The following CTNNA3 variants were observed in gnomAD, a reference collection of about 807,000 sequenced individuals.
CTNNA3 encodes the protein catenin alpha 3.
A neutral mutation model predicts 95.7 loss-of-function variants in CTNNA3; 76 were observed. That is an observed-to-expected ratio of 0.79 (90% CI 0.66 to 0.96). The LOEUF is 0.96. Among genes scored for constraint, CTNNA3 ranks in the 40% least tolerant of loss-of-function variants. The pLI is 0.00. For missense variants in CTNNA3, 1,191 were observed against 1,089.8 expected (o/e 1.09, Z -1.31); for synonymous variants, 431 against 374.4 (o/e 1.15, Z -1.74).
intron 11 of CTNNA3, among the ~76,000 whole-genome samples, chr10:66,420,838 T>TAAATAAATAAATAAATAAAA (rs905152645): frequency 2.4e-5 from 2 of 82,996 alleles, no homozygotes; most frequent in African/African-American, 4.1e-5. Context: ...AATAAATAAA[T>TAAATAAATAAATAAATAAAA]AAAAAACAAT....
intron 5 of CTNNA3, among the ~76,000 whole-genome samples, chr10:67,233,979 G>A (rs866854024): frequency 6.6e-6 from 1 of 152,164 alleles, no homozygotes; most frequent in South Asian, 2.1e-4. Context: ...TTGAATCTCT[G>A]AATAGGACCA....
intron 13 of CTNNA3, among the ~76,000 whole-genome samples, chr10:66,256,728 A>C (rs1048446952): frequency 6.6e-6 from 1 of 151,982 alleles, no homozygotes; most frequent in African/African-American, 2.4e-5. Context: ...TCTCAAAAAA[A>C]AAAAGCGTAA....
At chr10:67,125,435 T>C (rs6480251) in intron 7 of CTNNA3, among the ~76,000 whole-genome samples, 33,673 of 152,116 alleles carry the variant, frequency 0.22, 4,626 homozygotes, top group African/African-American at 0.39. Flanking sequence ...TCATTAGCAA[T>C]TGATGTTCTT....
intron 5 of CTNNA3, among the ~76,000 whole-genome samples, chr10:67,489,788 T>TTA (rs372899542): frequency 0.076 from 10,857 of 142,386 alleles, 485 homozygotes; most frequent in South Asian, 0.1. Flanking sequence ...ATACATGATT[T>TTA]TATATATATA....
At chr10:66,919,724 A>T (rs913273850) in intron 7 of CTNNA3, among the ~76,000 whole-genome samples, 1 of 152,182 alleles carries the variant, frequency 6.6e-6, no homozygotes, top group African/African-American at 2.4e-5. Context: ...TAAAGCAAGC[A>T]GATGGAAATC....
At chr10:67,496,222 T>C (rs1359208310) in intron 5 of CTNNA3, among the ~76,000 whole-genome samples, 1 of 152,208 alleles carries the variant, frequency 6.6e-6, no homozygotes, top group African/African-American at 2.4e-5. Flanking sequence ...AACACAGCTT[T>C]CATCTTGCGG....
At position 66,763,307 on chromosome 10, in the gene CTNNA3, A is replaced by AAC. The variant is rs138081667; in HGVS notation, c.1281+2955_1281+2956dup. On this transcript the variant is annotated intron_variant, in intron 9 of 17. Transcript: ENST00000433211. ...AGTACTTTTTCTTCTTCATGAGATA[A>AAC]ACACACACACACACACACACACACA... is the stretch of plus-strand genomic sequence containing the variant. Among the ~76,000 whole-genome samples, 393 of 145,322 alleles carry AAC rather than the reference A, an allele frequency of 2.7e-3. 1 individual carries two copies. The highest frequency in any genetic ancestry group is 5.6e-3 in the South Asian group (25 of 4,434).
intron 9 of CTNNA3, among the ~76,000 whole-genome samples, chr10:66,709,480 C>T (rs1369159381): frequency 6.6e-6 from 1 of 151,840 alleles, no homozygotes; most frequent in African/African-American, 2.4e-5. Flanking sequence ...AATTAGAGAG[C>T]TGCCAAATGG....
rs189084794 is a variant in CTNNA3 at position 67,711,300 on chromosome 10, G to T, written c.-2+52134C>A. Among the ~76,000 whole-genome samples the T allele has an allele frequency of 1.1e-4, 17 of 152,306 alleles. No individual in the cohort carries two copies. The East Asian group carries it at 2.7e-3, about 24-fold the overall frequency. On this transcript the variant is annotated intron_variant, in intron 1 of 17. Transcript: ENST00000684154. ...TGGAACTGGGTAATAGGCAGAGGTTGGAACAGTTTGGAGGGCTCAGAAGAA... is the reference window on the plus strand; with the variant it reads ...TGGAACTGGGTAATAGGCAGAGGTTTGAACAGTTTGGAGGGCTCAGAAGAA...
At chr10:67,504,586 T>C (rs1200258055) in intron 5 of CTNNA3, among the ~76,000 whole-genome samples, 1 of 152,016 alleles carries the variant, frequency 6.6e-6, no homozygotes, top group Non-Finnish European at 1.5e-5. Flanking sequence ...TAGTGACTGA[T>C]ACAAGTTACT....
rs561692917 is a variant in CTNNA3 at position 67,117,583 on chromosome 10, CT to C, written c.1047+62733del. The stretch of plus-strand genomic sequence containing the variant: ...AAACAAGTCGAATTTCAGAAAATAC[CT>C]GGGAGACAAGTGTATAAATATTGTT... On this transcript the variant is annotated intron_variant, in intron 7 of 17. Coordinates refer to ENST00000433211, the MANE Select transcript of CTNNA3 (RefSeq NM_013266.4). Among the ~76,000 whole-genome samples the C allele has an allele frequency of 8.6e-5, 13 of 152,022 alleles. No homozygotes were observed. The East Asian group carries it at 2.5e-3, about 29-fold the overall frequency.
At chr10:67,340,344 T>C (rs1270073117) in intron 5 of CTNNA3, among the ~76,000 whole-genome samples, 2 of 152,046 alleles carry the variant, frequency 1.3e-5, no homozygotes, top group Non-Finnish European at 2.9e-5. Context: ...AAAAATGAAG[T>C]AAAAAATAAA....
chr10:66,562,773 T>C (rs1042879287), intron 10 of CTNNA3, among the ~76,000 whole-genome samples: 3 of 151,842 alleles, frequency 2.0e-5, no homozygotes, highest in Non-Finnish European at 4.4e-5. Context: ...TATTATTTTA[T>C]AAAATAATAC....
chr10:66,292,993 G>A (rs964423776), intron 12 of CTNNA3, among the ~76,000 whole-genome samples: 1 of 151,948 alleles, frequency 6.6e-6, no homozygotes, highest in African/African-American at 2.4e-5. Context: ...TCTATGCATT[G>A]TGTTTTTCTT....
intron 9 of CTNNA3, among the ~76,000 whole-genome samples, chr10:66,632,918 A>G (rs1037933951): frequency 1.3e-5 from 2 of 152,174 alleles, no homozygotes; most frequent in African/African-American, 2.4e-5. Flanking sequence ...CATATGAAAT[A>G]TGACTAATAA....
chr10:66,535,126 T>G (rs1312003128), intron 10 of CTNNA3, among the ~76,000 whole-genome samples: 1 of 152,006 alleles, frequency 6.6e-6, no homozygotes, highest in Non-Finnish European at 1.5e-5. Context: ...CTACATTCAG[T>G]CAGACTCACT....
At chr10:67,113,419 G>C (rs1859006324) in intron 7 of CTNNA3, among the ~76,000 whole-genome samples, 1 of 152,008 alleles carries the variant, frequency 6.6e-6, no homozygotes, top group Non-Finnish European at 1.5e-5. Context: ...CACTCACACA[G>C]CACGCCACTC....
At chr10:66,034,196 A>AATTAT (rs3998978) in intron 15 of CTNNA3, among the ~76,000 whole-genome samples, 24 of 150,358 alleles carry the variant, frequency 1.6e-4, no homozygotes, top group African/African-American at 5.1e-4. Flanking sequence ...TATTTATATT[A>AATTAT]ATTATATTAT....
At chr10:65,965,207 C>T (rs928790897) in intron 17 of CTNNA3, among the ~76,000 whole-genome samples, 1 of 152,078 alleles carries the variant, frequency 6.6e-6, no homozygotes, top group Non-Finnish European at 1.5e-5. Context: ...AGTGTTGTCT[C>T]TCTGAACAGA....
Sources: allele counts gnomAD v4.1 joint callset (sites outside exome capture counted in the v4.1 genomes callset), GRCh38; gene constraint gnomAD v4.1.1; transcripts MANE v1.5; gene names NCBI Gene and HGNC (gene_info 2026-07-23, HGNC 2026-07-21).